Variants in ANKRD13C observed in about 807,000 individuals in gnomAD.
ANKRD13C encodes the protein ankyrin repeat domain 13C.
In ANKRD13C, 16 loss-of-function variants were observed where a neutral mutation model predicts 65.5. The observed-to-expected ratio is 0.24, with a 90% CI of 0.17 to 0.37. The LOEUF (loss-of-function observed/expected upper bound fraction) is 0.37. ANKRD13C is among the 10% of genes least tolerant of loss of function. The pLI, the probability that ANKRD13C is intolerant of heterozygous loss-of-function variation, is 1.00. For missense variants in ANKRD13C, 503 were observed against 655.9 expected (o/e 0.77, Z 2.55); for synonymous variants, 235 against 238.7 (o/e 0.98, Z 0.14).
At chr1:70,344,946 G>A (rs1337759242) in intron 1 of ANKRD13C, among the ~76,000 whole-genome samples, 1 of 151,838 alleles carries the variant, frequency 6.6e-6, no homozygotes, top group Non-Finnish European at 1.5e-5. Flanking sequence ...TAAGTGACAT[G>A]AGCAGTCTAT....
chr1:70,292,319 GCCA>G (rs1225390541), intron 9 of ANKRD13C, 66 bp downstream of exon 9: 1 of 1,225,784 alleles, frequency 8.2e-7, no homozygotes, highest in African/African-American at 1.6e-5. Context: ...CTTACTGAAT[GCCA>G]CCAAGAATGA....
chr1:70,294,482 C>A (rs1000487478), intron 8 of ANKRD13C, among the ~76,000 whole-genome samples: 3 of 152,108 alleles, frequency 2.0e-5, no homozygotes, highest in South Asian at 2.1e-4. Flanking sequence ...GAGCTAATTA[C>A]CCTACATAAT....
chr1:70,294,688 G>A (rs563431484), intron 8 of ANKRD13C, among the ~76,000 whole-genome samples: 71 of 151,442 alleles, frequency 4.7e-4, no homozygotes, highest in Non-Finnish European at 9.6e-4. Context: ...GAGTGCAGTG[G>A]TGTGATCACT....
At chr1:70,281,169 A>C (rs2101174240) in intron 9 of ANKRD13C, among the ~76,000 whole-genome samples, 1 of 152,206 alleles carries the variant, frequency 6.6e-6, no homozygotes. Flanking sequence ...ATGTGGTGAT[A>C]TGACGGAAGA....
intron 9 of ANKRD13C, among the ~76,000 whole-genome samples, chr1:70,281,815 G>A (rs573658723): frequency 3.3e-5 from 5 of 151,610 alleles, no homozygotes; most frequent in Middle Eastern, 3.4e-3. Flanking sequence ...GGGAGGCCAA[G>A]GCGGGCAGAT....
Position 70,262,651 on chromosome 1 carries a change from T to A in ANKRD13C, c.*66A>T. The A allele has an allele frequency of 1.3e-6, 2 of 1,499,856 alleles. No individual in the cohort carries two copies. Among genetic ancestry groups the A allele is most frequent in the Non-Finnish European group, 1.8e-6 (2 of 1,113,292 alleles). 92.9% of individuals were successfully genotyped at this position (1,499,856 alleles called of 1,614,324 possible). A position where few individuals can be genotyped will look rare whatever the true frequency, so the allele number is the denominator to read the frequency against. On this transcript the variant is annotated 3_prime_UTR_variant, in exon 13 of 13. Transcript: ENST00000370944. Reference sequence around the variant, plus strand: ...CACTGAAAGCATTTGTCCCTTCTATTTGGATCCACTTCTAGGGTCTCTGTA... The same window carrying A: ...CACTGAAAGCATTTGTCCCTTCTATATGGATCCACTTCTAGGGTCTCTGTA...
chr1:70,342,755 C>A (rs1682370315), intron 1 of ANKRD13C, among the ~76,000 whole-genome samples: 1 of 151,342 alleles, frequency 6.6e-6, no homozygotes, highest in Non-Finnish European at 1.5e-5. Flanking sequence ...CACACACACA[C>A]ACACACACAC....
At chr1:70,351,952 T>C (rs903724054) in intron 1 of ANKRD13C, among the ~76,000 whole-genome samples, 2 of 152,130 alleles carry the variant, frequency 1.3e-5, no homozygotes, top group African/African-American at 4.8e-5. Context: ...AAAGCAATTA[T>C]ATTTACCCCA....
chr1:70,302,591 T>G (rs1680414065), intron 6 of ANKRD13C, among the ~76,000 whole-genome samples: 1 of 134,830 alleles, frequency 7.4e-6, no homozygotes, highest in African/African-American at 2.9e-5. Context: ...CCGGGCGTAG[T>G]GGCGGGCGCC....
At chr1:70,330,574 CAAAAA>C (rs71071394) in intron 2 of ANKRD13C, among the ~76,000 whole-genome samples, 5 of 68,394 alleles carry the variant, frequency 7.3e-5, no homozygotes, top group Middle Eastern at 0.014. Context: ...ACAAACAAAC[CAAAAA>C]AAAAAAAAAA....
rs899846046 is a variant in ANKRD13C at position 70,259,786 on chromosome 1, GAGC to G, written c.*2928_*2930del. On this transcript the variant is annotated 3_prime_UTR_variant, in exon 13 of 13. Transcript: ENST00000370944. ...GTTTGTAAATATGGGTAATATCAAT[GAGC>G]AGAAGGAAGCACCTTTAATTCAGCA... is the stretch of plus-strand genomic sequence containing the variant. Among the ~76,000 whole-genome samples, 1 of 152,156 alleles carries G rather than the reference GAGC, an allele frequency of 6.6e-6. No individual in the cohort carries two copies. Among genetic ancestry groups the G allele is most frequent in the Non-Finnish European group, 1.5e-5 (1 of 68,014 alleles).
chr1:70,291,741 AAGTTGC>A (rs1209705058), intron 9 of ANKRD13C, among the ~76,000 whole-genome samples: 2 of 152,094 alleles, frequency 1.3e-5, no homozygotes, highest in Non-Finnish European at 2.9e-5. Context: ...TGGGAGGCGG[AAGTTGC>A]AGTGAACCAA....
chr1:70,276,722 C>A, intron 10 of ANKRD13C, 43 bp downstream of exon 10: 1 of 1,435,910 alleles, frequency 7.0e-7, no homozygotes, highest in East Asian at 2.3e-5. Context: ...ACAAATTATT[C>A]TTTCTAAAAA....
chr1:70,305,353 C>G (rs12025879), intron 6 of ANKRD13C, among the ~76,000 whole-genome samples: 1 of 152,176 alleles, frequency 6.6e-6, no homozygotes, highest in East Asian at 1.9e-4. Flanking sequence ...GTAAAATGCT[C>G]TTGTAAAAAA....
At chr1:70,286,649 G>A (rs1192045263) in intron 9 of ANKRD13C, among the ~76,000 whole-genome samples, 1 of 152,130 alleles carries the variant, frequency 6.6e-6, no homozygotes, top group African/African-American at 2.4e-5. Context: ...TTTATTATCT[G>A]ATGACATAAG....
At chr1:70,278,013 C>G (rs1256065167) in intron 9 of ANKRD13C, among the ~76,000 whole-genome samples, 1 of 149,882 alleles carries the variant, frequency 6.7e-6, no homozygotes, top group Non-Finnish European at 1.5e-5. Flanking sequence ...CATAATGAGG[C>G]TCTGTTTCTT....
intron 7 of ANKRD13C, among the ~76,000 whole-genome samples, chr1:70,296,899 C>T (rs1680101863): frequency 1.3e-5 from 2 of 152,098 alleles, no homozygotes; most frequent in Non-Finnish European, 2.9e-5. Flanking sequence ...AATGAGTAGT[C>T]ATGCTTCAGG....
chr1:70,340,597 GTTA>G (rs1464864102), intron 1 of ANKRD13C, among the ~76,000 whole-genome samples: 2 of 152,056 alleles, frequency 1.3e-5, no homozygotes, highest in Non-Finnish European at 2.9e-5. Context: ...TGTTGTTGTT[GTTA>G]TTGTTGGCTT....
rs200834618 is a variant in ANKRD13C at position 70,354,201 on chromosome 1, A to G, written c.208T>C (p.Ser70Pro). Residue 70 changes from serine to proline, a missense_variant, in exon 1 of 13, where the codon TCC becomes CCC. By Grantham distance (74) the Ser-to-Pro change is moderately conservative. This residue lies in a region of ANKRD13C where 203 missense variants were observed against 177.6 expected (regional missense o/e 1.14). Coordinates refer to ENST00000370944, the MANE Select transcript of ANKRD13C (RefSeq NM_030816.5). ...AGAGCCGGGGCGCCGGGGGGATTGGAGGAGGCCGGAGCTGCCTTCAGCTGT... is the reference window on the plus strand; with the variant it reads ...AGAGCCGGGGCGCCGGGGGGATTGGGGGAGGCCGGAGCTGCCTTCAGCTGT... ...RLQLKAAPAS[S>P]NPPGAPALPL... 3 of 1,613,782 alleles carry G rather than the reference A, an allele frequency of 1.9e-6. No homozygotes were observed. The highest frequency in any genetic ancestry group is 2.5e-6 in the Non-Finnish European group (3 of 1,180,020).
Sources: gnomAD v4.1 joint callset for allele counts (sites outside exome capture counted in the v4.1 genomes callset) on GRCh38, gnomAD v4.1.1 for gene constraint, gnomAD v4.1.1 regional missense constraint, MANE v1.5 for transcripts, NCBI Gene and HGNC (gene_info 2026-07-23, HGNC 2026-07-21) for gene names.